SOCS5: variants seen among roughly 807,000 people sequenced by gnomAD.
SOCS5 encodes the protein CIS-6.
A neutral mutation model predicts 42.8 loss-of-function variants in SOCS5; 32 were observed. The observed-to-expected ratio is 0.75, with a 90% CI of 0.56 to 1.01. The LOEUF (loss-of-function observed/expected upper bound fraction) is 1.01, where lower values mean the gene tolerates loss of function less well. SOCS5 is among the 50% of genes least tolerant of loss of function. The pLI is 0.00. For synonymous variants in SOCS5, 283 were observed against 229.6 expected (o/e 1.23, Z -2.10); for missense variants, 627 against 653.0 (o/e 0.96, Z 0.43).
intron 1 of SOCS5, among the ~76,000 whole-genome samples, chr2:46,709,238 C>G (rs1441584657): frequency 6.6e-6 from 1 of 152,184 alleles, no homozygotes; most frequent in Non-Finnish European, 1.5e-5. Context: ...CTTTACCTTT[C>G]CAGCCCCTTA....
intron 1 of SOCS5, among the ~76,000 whole-genome samples, chr2:46,715,933 T>C (rs1332282426): frequency 6.6e-6 from 1 of 152,146 alleles, no homozygotes; most frequent in Non-Finnish European, 1.5e-5. Context: ...AACCACTTAA[T>C]ATTAACTTGC....
chr2:46,710,509 G>A (rs539114924), intron 1 of SOCS5, among the ~76,000 whole-genome samples: 1 of 152,178 alleles, frequency 6.6e-6, no homozygotes, highest in South Asian at 2.1e-4. Flanking sequence ...GATATTAAGT[G>A]TATGTACAGT....
At chr2:46,740,604 G>A (rs2103740207) in intron 1 of SOCS5, among the ~76,000 whole-genome samples, 1 of 152,262 alleles carries the variant, frequency 6.6e-6, no homozygotes, top group Admixed American at 6.5e-5. Context: ...CTGTGAGGAA[G>A]AAGAAGAATA....
intron 1 of SOCS5, among the ~76,000 whole-genome samples, chr2:46,738,011 T>G (rs1009873252): frequency 2.0e-5 from 3 of 152,170 alleles, no homozygotes; most frequent in Non-Finnish European, 1.5e-5. Context: ...GAGAACAAAT[T>G]GTGGTGTTAA....
Position 46,713,246 on chromosome 2 carries a change from C to T in SOCS5, c.-13+13797C>T, listed in dbSNP as rs1672667693. ...TGGCGCACACCTGTAGTTTCAGCTA[C>T]TCAGGAGGTTGAGGCAGGAAGATCC... On this transcript the variant is annotated intron_variant, in intron 1 of 1. Coordinates refer to ENST00000394861, the MANE Select transcript of SOCS5 (RefSeq NM_144949.3). 3.3e-5 allele frequency among the ~76,000 whole-genome samples: 5 copies of T among 152,162 alleles called. No homozygotes were observed. The South Asian group carries it at 1.0e-3, about 31-fold the overall frequency.
chr2:46,748,189 CTTTT>C (rs35861326), intron 1 of SOCS5, among the ~76,000 whole-genome samples: 1 of 138,790 alleles, frequency 7.2e-6, no homozygotes, highest in African/African-American at 2.6e-5. Context: ...TTTTCTTTTT[CTTTT>C]TTTTTTTTTT....
intron 1 of SOCS5, among the ~76,000 whole-genome samples, chr2:46,720,345 A>G (rs1482350686): frequency 6.6e-6 from 1 of 152,216 alleles, no homozygotes; most frequent in Non-Finnish European, 1.5e-5. Context: ...TAGGATACTA[A>G]CATTACTTCA....
At chr2:46,699,242 AGGGGGT>A (rs2103679896), upstream of SOCS5, 1 of 149,454 alleles carries the variant, frequency 6.7e-6, no homozygotes, top group African/African-American at 2.4e-5. This position sits in a 1 kb window ranked among gnomAD's most constrained non-coding sequence, Gnocchi z 4.8. Flanking sequence ...GCGGCAGGGA[AGGGGGT>A]GGGGGCCTGG....
chr2:46,701,928 G>T (rs1672354095), intron 1 of SOCS5, among the ~76,000 whole-genome samples: 1 of 150,904 alleles, frequency 6.6e-6, no homozygotes, highest in Non-Finnish European at 1.5e-5. Flanking sequence ...TGTTAAAATG[G>T]GTTTAGTACC....
chr2:46,727,144 C>CT (rs759203329), intron 1 of SOCS5, among the ~76,000 whole-genome samples: 1,884 of 86,422 alleles, frequency 0.022, 69 homozygotes, highest in African/African-American at 0.057. Flanking sequence ...TTGGAGCCTT[C>CT]TTTTTTTTTT....
chr2:46,759,479 A>G lies in SOCS5; in HGVS notation c.949A>G (p.Ile317Val). Reference sequence around the variant, plus strand: ...TGAAATAAGTGGGGACAGTTCTGCAATTCCACAAGCTAATTGTGACTCGGA... The same window carrying G: ...TGAAATAAGTGGGGACAGTTCTGCAGTTCCACAAGCTAATTGTGACTCGGA... ...MTEISGDSSA[I>V]PQANCDSEED... Residue 317 changes from isoleucine to valine, a missense_variant, in exon 2 of 2, where the codon ATT becomes GTT. Physicochemically the swap from Ile to Val is conservative, Grantham distance 29 (BLOSUM62 3). Transcript: ENST00000394861. 2 of 1,614,018 alleles carry G rather than the reference A, an allele frequency of 1.2e-6. No individual in the cohort carries two copies. The highest frequency in any genetic ancestry group is 1.7e-6 in the Non-Finnish European group (2 of 1,179,868).
rs180851111 is a variant in SOCS5 at position 46,712,229 on chromosome 2, T to G, written c.-13+12780T>G. ...TCTTTTTTAGTGTAGAGAGAACTCTTTCACCATTGTATATGTTAGCTATAC... is the reference window on the plus strand; with the variant it reads ...TCTTTTTTAGTGTAGAGAGAACTCTGTCACCATTGTATATGTTAGCTATAC... On this transcript the variant is annotated intron_variant, in intron 1 of 1. Transcript: ENST00000394861. Among the ~76,000 whole-genome samples, 478 of 152,202 alleles carry G rather than the reference T, an allele frequency of 3.1e-3. 5 individuals are homozygous for G. Among genetic ancestry groups the G allele is most frequent in the Non-Finnish European group, 5.6e-3 (378 of 67,992 alleles).
intron 1 of SOCS5, among the ~76,000 whole-genome samples, chr2:46,727,656 C>T (rs941494175): frequency 3.9e-5 from 6 of 151,970 alleles, no homozygotes; most frequent in African/African-American, 1.2e-4. Context: ...CCAGTCAGTT[C>T]GAGATAGGTG....
chr2:46,758,218 C>T (rs766420961), intron 1 of SOCS5, among the ~76,000 whole-genome samples: 35 of 152,180 alleles, frequency 2.3e-4, no homozygotes, highest in Non-Finnish European at 1.8e-4. Context: ...GGTTGAAGCA[C>T]GGGAAAAAGA....
chr2:46,709,348 G>A (rs1395763989), intron 1 of SOCS5, among the ~76,000 whole-genome samples: 1 of 152,202 alleles, frequency 6.6e-6, no homozygotes, highest in East Asian at 1.9e-4. Context: ...AAAGGATGGA[G>A]TTAATTTGTC....
rs547647844 is a variant in SOCS5, at chr2:46,720,291, G to A, written c.-13+20842G>A. On this transcript the variant is annotated intron_variant, in intron 1 of 1. Transcript: ENST00000394861. ...TGAACTTAAAGGTTCACTTGATCTT[G>A]ATTCCTGCAGACATTGCTGGGAACT... Among the ~76,000 whole-genome samples the A allele has an allele frequency of 1.9e-3, 282 of 152,246 alleles. 1 individual carries two copies. Among genetic ancestry groups the A allele is most frequent in the Middle Eastern group, 3.4e-3 (1 of 294 alleles).
intron 1 of SOCS5, among the ~76,000 whole-genome samples, chr2:46,756,390 A>G (rs546791485): frequency 3.2e-4 from 49 of 152,296 alleles, no homozygotes; most frequent in African/African-American, 1.1e-3. Context: ...TGCAGACTAC[A>G]TGTGGTCTCT....
At chr2:46,702,800 G>A (rs1018597424) in intron 1 of SOCS5, among the ~76,000 whole-genome samples, 18 of 152,184 alleles carry the variant, frequency 1.2e-4, no homozygotes, top group African/African-American at 4.3e-4. Context: ...GTTTTTGACG[G>A]TGACAGTTTG....
intron 1 of SOCS5, among the ~76,000 whole-genome samples, chr2:46,730,522 C>A (rs902278919): frequency 6.6e-5 from 10 of 152,170 alleles, no homozygotes; most frequent in Non-Finnish European, 1.3e-4. Context: ...ATCGCTTGAA[C>A]TCAGGAGGCG....
Sources: allele counts gnomAD v4.1 joint callset (sites outside exome capture counted in the v4.1 genomes callset), GRCh38; gene constraint gnomAD v4.1.1; non-coding constraint Gnocchi (gnomAD v3.1); transcripts MANE v1.5; gene names NCBI Gene and HGNC (gene_info 2026-07-23, HGNC 2026-07-21).